The following CNTN4 variants were observed in gnomAD, a reference collection of about 807,000 sequenced individuals.
The protein encoded by CNTN4 is contactin-4.
Under a neutral mutation model 122.5 loss-of-function variants are expected in CNTN4, and 77 were observed. The observed-to-expected ratio is 0.63, with a 90% CI of 0.52 to 0.76. CNTN4 has a LOEUF of 0.76. Ranked by LOEUF, CNTN4 falls within the 30% of genes least tolerant of loss-of-function variation. The pLI is 0.00. For missense variants in CNTN4, 1,256 were observed against 1,259.1 expected, an observed-to-expected ratio of 1.00 and a Z score of 0.04; for synonymous variants, 512 against 447.0, an observed-to-expected ratio of 1.15 and a Z score of -1.83.
rs190676038 is a variant in CNTN4 at position 2,619,327 on chromosome 3, G to A, written c.55+47769G>A. 4.7e-3 allele frequency among the ~76,000 whole-genome samples: 711 copies of A among 152,306 alleles called. 5 individuals carry two copies. Among genetic ancestry groups the A allele is most frequent in the African/African-American group, 0.016 (685 of 41,574 alleles). ...AGCTGGCCTATGACTAAAACACCAGGCTGGTGCTGCTTCTAGTAGCAATAG... is the reference window on the plus strand; with the variant it reads ...AGCTGGCCTATGACTAAAACACCAGACTGGTGCTGCTTCTAGTAGCAATAG... On this transcript the variant is annotated intron_variant, in intron 4 of 24. Transcript: ENST00000418658.
intron 16 of CNTN4, 73 bp downstream of exon 16, chr3:3,031,048 A>C (rs1409754705): frequency 2.5e-6 from 4 of 1,590,314 alleles, no homozygotes; most frequent in Non-Finnish European, 3.4e-6. Context: ...AGTTCCAGAA[A>C]CCTCAGTGGT....
At chr3:2,532,000 G>C (rs997100473) in intron 3 of CNTN4, among the ~76,000 whole-genome samples, 2 of 152,186 alleles carry the variant, frequency 1.3e-5, no homozygotes, top group Non-Finnish European at 2.9e-5. Context: ...AGAAACTGTT[G>C]TGTTGCCTGT....
chr3:2,592,489 T>G (rs60915829), intron 4 of CNTN4, among the ~76,000 whole-genome samples: 20,458 of 152,144 alleles, frequency 0.13, 2,438 homozygotes, highest in African/African-American at 0.31. Context: ...TAAGAGATGA[T>G]TGAATCATGG....
chr3:2,402,291 T>C (rs1248520429), intron 3 of CNTN4, among the ~76,000 whole-genome samples: 2 of 152,112 alleles, frequency 1.3e-5, no homozygotes, highest in African/African-American at 4.8e-5. Flanking sequence ...GGATAAATAT[T>C]GGGACTTAGA....
At chr3:2,192,668 A>C (rs1019620816) in intron 2 of CNTN4, among the ~76,000 whole-genome samples, 1 of 152,106 alleles carries the variant, frequency 6.6e-6, no homozygotes, top group Non-Finnish European at 1.5e-5. Flanking sequence ...TTTATGCAAA[A>C]TTCTACTTCT....
At chr3:2,521,888 C>T (rs2077231015) in intron 3 of CNTN4, among the ~76,000 whole-genome samples, 1 of 151,996 alleles carries the variant, frequency 6.6e-6, no homozygotes, top group Non-Finnish European at 1.5e-5. Context: ...CATCTGACAT[C>T]ATCAGAGGCG....
At chr3:2,255,212 T>G (rs971661205) in intron 2 of CNTN4, among the ~76,000 whole-genome samples, 3 of 151,546 alleles carry the variant, frequency 2.0e-5, no homozygotes, top group Non-Finnish European at 4.4e-5. Flanking sequence ...GTGGCATTAT[T>G]TCTGAGGGCT....
intron 7 of CNTN4, among the ~76,000 whole-genome samples, chr3:2,859,672 T>C (rs777714228): frequency 1.3e-5 from 2 of 152,218 alleles, no homozygotes; most frequent in African/African-American, 2.4e-5. Flanking sequence ...TGCAGAATTA[T>C]ATGCTGAAGC....
At chr3:2,830,444 G>A (rs1233875772) in intron 7 of CNTN4, among the ~76,000 whole-genome samples, 1 of 152,214 alleles carries the variant, frequency 6.6e-6, no homozygotes, top group Non-Finnish European at 1.5e-5. Flanking sequence ...TCTACAAACT[G>A]TGATCATTTG....
At position 2,439,563 on chromosome 3, in the gene CNTN4, C is replaced by T. The variant is rs572186445; in HGVS notation, c.-89+100330C>T. ...AGGAGATATGAAGATATGAATGTTC[C>T]ACCTTAGCTTGAATTGTGGTCATCT... On this transcript the variant is annotated intron_variant, in intron 3 of 24. Coordinates refer to ENST00000418658, the MANE Select transcript of CNTN4 (RefSeq NM_175607.3). Among the ~76,000 whole-genome samples the T allele has an allele frequency of 4.6e-5, 7 of 152,010 alleles. 1 individual carries two copies. In the East Asian group the frequency reaches 5.8e-4, roughly 13 times the overall value.
intron 6 of CNTN4, among the ~76,000 whole-genome samples, chr3:2,749,135 A>G (rs527732715): frequency 1.3e-5 from 2 of 152,102 alleles, no homozygotes; most frequent in Admixed American, 6.5e-5. Context: ...TTTACATAAC[A>G]GTATCTTCTA....
chr3:2,611,793 T>G (rs1216282004), intron 4 of CNTN4, among the ~76,000 whole-genome samples: 1 of 152,164 alleles, frequency 6.6e-6, no homozygotes, highest in Non-Finnish European at 1.5e-5. Context: ...CTAGCCAAGA[T>G]GTTTTGTCTC....
intron 8 of CNTN4, among the ~76,000 whole-genome samples, chr3:2,873,996 C>A (rs2093815403): frequency 6.6e-6 from 1 of 152,202 alleles, no homozygotes; most frequent in Non-Finnish European, 1.5e-5. Flanking sequence ...AGTTGAGGAT[C>A]TGTGGGCGTA....
intron 4 of CNTN4, among the ~76,000 whole-genome samples, chr3:2,606,477 A>G (rs193030369): frequency 5.6e-4 from 85 of 152,284 alleles, no homozygotes; most frequent in African/African-American, 1.8e-3. Context: ...CATCCTGCAC[A>G]TGTATCCCGG....
chr3:2,139,512 T>A (rs959696141), intron 2 of CNTN4, among the ~76,000 whole-genome samples: 1 of 152,172 alleles, frequency 6.6e-6, no homozygotes, highest in Non-Finnish European at 1.5e-5. Flanking sequence ...TGAACCCAGC[T>A]TTGCAAAGAT....
chr3:2,226,251 T>C (rs2039278407), intron 2 of CNTN4, among the ~76,000 whole-genome samples: 1 of 152,228 alleles, frequency 6.6e-6, no homozygotes, highest in Admixed American at 6.5e-5. Flanking sequence ...CCTTGAAGGT[T>C]GGACTTGCCT....
At chr3:2,361,920 T>G (rs773196455) in intron 3 of CNTN4, among the ~76,000 whole-genome samples, 3 of 152,124 alleles carry the variant, frequency 2.0e-5, no homozygotes, top group Non-Finnish European at 4.4e-5. Flanking sequence ...ATATTAAAAT[T>G]TTAATATAGA....
rs555572010 is a variant in CNTN4, at chr3:2,794,997, G to A, written c.359-24489G>A. On this transcript the variant is annotated intron_variant, in intron 6 of 24. Transcript: ENST00000418658. ...ACTTTGGGGTTAGGATTTTAACAGA[G>A]AATTTGAGGGGTGGGGTGGGGACAA... Among the ~76,000 whole-genome samples, 8 of 152,038 alleles carry A rather than the reference G, an allele frequency of 5.3e-5. No individual in the cohort carries two copies. In the East Asian group the frequency reaches 1.2e-3, roughly 22 times the overall value.
At chr3:2,536,065 C>A (rs1020435910) in intron 3 of CNTN4, among the ~76,000 whole-genome samples, 9 of 152,238 alleles carry the variant, frequency 5.9e-5, no homozygotes. Context: ...GATCTGATTG[C>A]CACCATGTTG....
Sources: gnomAD v4.1 joint callset for allele counts (sites outside exome capture counted in the v4.1 genomes callset) on GRCh38, gnomAD v4.1.1 for gene constraint, MANE v1.5 for transcripts, NCBI Gene and HGNC (gene_info 2026-07-23, HGNC 2026-07-21) for gene names.